RTN1: variants seen among roughly 807,000 people sequenced by gnomAD.
RTN1 encodes the protein reticulon-1.
Under a neutral mutation model 65.5 loss-of-function variants are expected in RTN1, and 25 were observed. That is an observed-to-expected ratio of 0.38 (90% CI 0.28 to 0.53). The LOEUF (loss-of-function observed/expected upper bound fraction) is 0.53, where lower values mean the gene tolerates loss of function less well. Ranked by LOEUF, RTN1 falls within the 20% of genes least tolerant of loss-of-function variation. The probability of loss-of-function intolerance (pLI) is 0.79; values close to 1 mark genes in which losing one functional copy is unlikely to be tolerated. For synonymous variants in RTN1, 471 were observed against 447.6 expected, an observed-to-expected ratio of 1.05 and a Z score of -0.66; for missense variants, 983 against 1,025.4, an observed-to-expected ratio of 0.96 and a Z score of 0.57.
chr14:59,778,838 T>C (rs1182338471), intron 1 of RTN1, among the ~76,000 whole-genome samples: 1 of 152,002 alleles, frequency 6.6e-6, no homozygotes, highest in Non-Finnish European at 1.5e-5. Context: ...AAACAGACTG[T>C]AGGTGCAGGA....
At chr14:59,605,267 G>A (rs1035657025) in intron 5 of RTN1, 101 bp downstream of exon 5, 4 of 1,260,874 alleles carry the variant, frequency 3.2e-6, no homozygotes, top group Admixed American at 2.3e-5. Context: ...AATATAATTA[G>A]CACTTGCTTT....
chr14:59,695,258 A>G (rs1884039886), intron 3 of RTN1, among the ~76,000 whole-genome samples: 1 of 152,106 alleles, frequency 6.6e-6, no homozygotes, highest in South Asian at 2.1e-4. Context: ...CCCTAGGCTT[A>G]TGATAAGAAA....
At chr14:59,696,378 G>A (rs563524212) in intron 3 of RTN1, among the ~76,000 whole-genome samples, 35 of 152,032 alleles carry the variant, frequency 2.3e-4, no homozygotes, top group Middle Eastern at 3.4e-3. Flanking sequence ...CTAAGACACC[G>A]CTTAAAAGGT....
intron 3 of RTN1, among the ~76,000 whole-genome samples, chr14:59,688,640 G>T (rs1216684737): frequency 6.6e-6 from 1 of 152,180 alleles, no homozygotes; most frequent in African/African-American, 2.4e-5. Context: ...ACTGGCTTGA[G>T]GTTGAACTGC....
intron 3 of RTN1, among the ~76,000 whole-genome samples, chr14:59,665,349 T>G (rs573477913): frequency 1.9e-4 from 29 of 152,244 alleles, no homozygotes; most frequent in Non-Finnish European, 2.8e-4. Flanking sequence ...CTAAGCTTCA[T>G]AAGTGAAGGA....
chr14:59,859,546 T>G (rs1210414863), intron 1 of RTN1, among the ~76,000 whole-genome samples: 1 of 152,180 alleles, frequency 6.6e-6, no homozygotes, highest in East Asian at 1.9e-4. Context: ...GGGGTGCTGC[T>G]GAAAAGATAC....
At chr14:59,700,542 AAATT>A (rs1259991286) in intron 3 of RTN1, among the ~76,000 whole-genome samples, 2 of 152,156 alleles carry the variant, frequency 1.3e-5, no homozygotes, top group Non-Finnish European at 2.9e-5. Context: ...CAATACAACA[AAATT>A]AATTGTCTAG....
intron 3 of RTN1, among the ~76,000 whole-genome samples, chr14:59,622,011 T>A (rs1448223189): frequency 6.6e-6 from 1 of 152,162 alleles, no homozygotes; most frequent in Non-Finnish European, 1.5e-5. Context: ...CTACACCACT[T>A]GCTATGTGAC....
rs1432017429 is a variant in RTN1 at position 59,596,586 on chromosome 14, C to T, written c.*159G>A. On this transcript the variant is annotated 3_prime_UTR_variant, in exon 9 of 9. Transcript: ENST00000267484. Reference sequence around the variant, plus strand: ...AAGTGACTCAAATATCCTAAGAGTACAAGGAACAGCCTAAAAACAGCTGTT... The same window carrying T: ...AAGTGACTCAAATATCCTAAGAGTATAAGGAACAGCCTAAAAACAGCTGTT... 6.3e-6 allele frequency: 4 copies of T among 638,846 alleles called. No homozygotes were observed. The highest frequency in any genetic ancestry group is 5.4e-5 in the African/African-American group (3 of 55,344). The allele number at this position is 638,846 out of a possible 1,614,324, so 39.6% of individuals were successfully genotyped here.
chr14:59,735,802 C>G (rs750396892), intron 2 of RTN1, among the ~76,000 whole-genome samples: 14 of 152,112 alleles, frequency 9.2e-5, no homozygotes, highest in Non-Finnish European at 1.9e-4. Flanking sequence ...GACTTTAACA[C>G]TCCACTGACA....
chr14:59,703,480 T>C (rs571403702), intron 3 of RTN1, among the ~76,000 whole-genome samples: 2 of 152,314 alleles, frequency 1.3e-5, no homozygotes, highest in African/African-American at 4.8e-5. Flanking sequence ...ATCTTCTGAT[T>C]GGAAGCTTCC....
chr14:59,618,462 G>A (rs1052102423), intron 3 of RTN1, among the ~76,000 whole-genome samples: 12 of 152,122 alleles, frequency 7.9e-5, no homozygotes, highest in African/African-American at 1.7e-4. Flanking sequence ...CTGACCAATC[G>A]GCACTCCTGG....
intron 3 of RTN1, among the ~76,000 whole-genome samples, chr14:59,724,327 A>T (rs1355060398): frequency 6.6e-6 from 1 of 152,230 alleles, no homozygotes; most frequent in East Asian, 1.9e-4. Context: ...TGATGCCATC[A>T]AATATCTGTC....
chr14:59,777,819 CAACAA>C (rs1305895128), intron 1 of RTN1, among the ~76,000 whole-genome samples: 2 of 109,358 alleles, frequency 1.8e-5, no homozygotes, highest in East Asian at 4.4e-4. Context: ...ACAACAACAA[CAACAA>C]AAAAAAAAAA....
At position 59,596,856 on chromosome 14, in the gene RTN1, C is replaced by T. The variant is rs143370719; in HGVS notation, c.2289-69G>A. The T allele has an allele frequency of 2.6e-4, 308 of 1,197,590 alleles. 2 individuals carry two copies. In the African/African-American group the frequency reaches 4.2e-3, roughly 16 times the overall value. The allele number at this position is 1,197,590 out of a possible 1,614,324, so 74.2% of individuals were successfully genotyped here. A position where few individuals can be genotyped will look rare whatever the true frequency, so the allele number is the denominator to read the frequency against. On this transcript the variant is annotated intron_variant, in intron 8 of 8. Coordinates refer to ENST00000267484, the MANE Select transcript of RTN1 (RefSeq NM_021136.3). ...AATGAAATCATTTTATGTGTTGTTG[C>T]TTTAATTAGCTAAGTGACCAAAGAA...
chr14:59,742,033 G>C (rs1199548566), intron 2 of RTN1, among the ~76,000 whole-genome samples: 1 of 152,088 alleles, frequency 6.6e-6, no homozygotes, highest in Non-Finnish European at 1.5e-5. Context: ...CAGGGACCTT[G>C]TACATCTTAT....
chr14:59,655,908 T>C lies in RTN1; in HGVS notation c.1766-48416A>G, dbSNP rs146191439. Among the ~76,000 whole-genome samples, 286 of 152,286 alleles carry C rather than the reference T, an allele frequency of 1.9e-3. 1 individual carries two copies. Among genetic ancestry groups the C allele is most frequent in the African/African-American group, 6.4e-3 (266 of 41,556 alleles). ...CTTCAAAGAAAACAAAGGCATAATC[T>C]TCAAGACCCACACAAAAACTTGGAT... On this transcript the variant is annotated intron_variant, in intron 3 of 8. Transcript: ENST00000267484.
intron 1 of RTN1, among the ~76,000 whole-genome samples, chr14:59,834,475 T>G (rs1364885108): frequency 6.6e-6 from 1 of 152,144 alleles, no homozygotes; most frequent in Non-Finnish European, 1.5e-5. Context: ...ATAAAGGACT[T>G]GTGTGCAGAA....
chr14:59,847,952 C>A (rs1344904775), intron 1 of RTN1, among the ~76,000 whole-genome samples: 1 of 152,176 alleles, frequency 6.6e-6, no homozygotes, highest in Admixed American at 6.5e-5. Context: ...GACTTTTAGC[C>A]AGGCCACTCT....
Sources: gnomAD v4.1 joint callset for allele counts (sites outside exome capture counted in the v4.1 genomes callset) on GRCh38, gnomAD v4.1.1 for gene constraint, MANE v1.5 for transcripts, NCBI Gene and HGNC (gene_info 2026-07-23, HGNC 2026-07-21) for gene names.